GUCY1A2: variants seen among roughly 807,000 people sequenced by gnomAD.
GUCY1A2 encodes the protein guanylate cyclase soluble subunit alpha-2.
A neutral mutation model predicts 63.5 loss-of-function variants in GUCY1A2; 27 were observed. The observed-to-expected ratio is 0.43, with a 90% confidence interval of 0.31 to 0.59. The LOEUF (loss-of-function observed/expected upper bound fraction) is 0.59, where lower values mean the gene tolerates loss of function less well. Among genes scored for constraint, GUCY1A2 ranks in the 20% least tolerant of loss-of-function variants. The probability of loss-of-function intolerance (pLI) is 0.11; values close to 1 mark genes in which losing one functional copy is unlikely to be tolerated. For missense variants in GUCY1A2, 768 were observed against 913.3 expected, an observed-to-expected ratio of 0.84 and a Z score of 2.05; for synonymous variants, 364 against 343.5, an observed-to-expected ratio of 1.06 and a Z score of -0.66.
chr11:106,908,869 A>G (rs1860251403), intron 4 of GUCY1A2, among the ~76,000 whole-genome samples: 1 of 152,068 alleles, frequency 6.6e-6, no homozygotes, highest in Non-Finnish European at 1.5e-5. Context: ...CTACCCTACA[A>G]AATAGGTCAA....
intron 3 of GUCY1A2, among the ~76,000 whole-genome samples, chr11:106,967,724 G>A (rs978814596): frequency 4.1e-5 from 5 of 122,560 alleles, no homozygotes; most frequent in East Asian, 2.6e-4. Context: ...GGAATGAAGG[G>A]AGGAAAGGAG....
intron 5 of GUCY1A2, among the ~76,000 whole-genome samples, chr11:106,806,427 C>CA (rs1858687682): frequency 6.6e-6 from 1 of 152,152 alleles, no homozygotes; most frequent in Non-Finnish European, 1.5e-5. Context: ...CAAAGTCTTT[C>CA]TCCCTGCTTA....
intron 4 of GUCY1A2, among the ~76,000 whole-genome samples, chr11:106,817,716 T>A (rs529023187): frequency 2.0e-5 from 3 of 152,084 alleles, no homozygotes; most frequent in African/African-American, 4.8e-5. Context: ...AAAGAAGACA[T>A]ACAAATAGCC....
In GUCY1A2 at chr11:106,927,344, G is replaced by A. The variant is rs1236723053; in HGVS notation, c.1206+12116C>T. 2.0e-5 allele frequency among the ~76,000 whole-genome samples: 3 copies of A among 151,548 alleles called. No individual in the cohort carries two copies. The East Asian group carries it at 6.1e-4, about 31-fold the overall frequency. Reference sequence around the variant, plus strand: ...GCAGAGATCGCGCTACTGCACTCCAGCCTGGGCAACAGAGCGAGACTCCGT... The same window carrying A: ...GCAGAGATCGCGCTACTGCACTCCAACCTGGGCAACAGAGCGAGACTCCGT... On this transcript the variant is annotated intron_variant, in intron 4 of 7. Transcript: ENST00000526355.
At chr11:106,980,729 G>A (rs969532488) in intron 2 of GUCY1A2, among the ~76,000 whole-genome samples, 2 of 152,176 alleles carry the variant, frequency 1.3e-5, no homozygotes, top group African/African-American at 4.8e-5. Flanking sequence ...GATGTGAGTG[G>A]AGGGAAAAAT....
intron 5 of GUCY1A2, among the ~76,000 whole-genome samples, chr11:106,777,528 C>A (rs1172296073): frequency 6.6e-6 from 1 of 151,162 alleles, no homozygotes; most frequent in Admixed American, 6.6e-5. Flanking sequence ...ATGTCTTTTG[C>A]AGGGACATGG....
At chr11:106,835,437 G>A (rs1859103732) in intron 4 of GUCY1A2, among the ~76,000 whole-genome samples, 1 of 151,742 alleles carries the variant, frequency 6.6e-6, no homozygotes, top group South Asian at 2.1e-4. Flanking sequence ...TATAGAATGT[G>A]AAAATCTAAA....
chr11:106,752,762 A>G (rs1447828824), intron 6 of GUCY1A2, among the ~76,000 whole-genome samples: 2 of 152,092 alleles, frequency 1.3e-5, no homozygotes, highest in Non-Finnish European at 2.9e-5. Context: ...TCTATTACTG[A>G]TGGACATTTG....
chr11:106,791,916 T>C (rs1479024239), intron 5 of GUCY1A2, among the ~76,000 whole-genome samples: 1 of 152,054 alleles, frequency 6.6e-6, no homozygotes, highest in Non-Finnish European at 1.5e-5. Context: ...TTCCAAAAAA[T>C]TGAGGAGGGA....
chr11:106,954,229 T>C (rs1366472352), intron 3 of GUCY1A2, among the ~76,000 whole-genome samples: 2 of 152,204 alleles, frequency 1.3e-5, no homozygotes, highest in Non-Finnish European at 2.9e-5. Context: ...GTCATTGGTT[T>C]CAAAAAACTT....
intron 4 of GUCY1A2, among the ~76,000 whole-genome samples, chr11:106,918,401 A>G (rs1860396894): frequency 6.9e-6 from 1 of 145,442 alleles, no homozygotes; most frequent in African/African-American, 2.4e-5. Flanking sequence ...CCAACACACC[A>G]TTTTTTAAAA....
At chr11:106,968,027 T>C (rs1861147984) in intron 3 of GUCY1A2, among the ~76,000 whole-genome samples, 2 of 152,184 alleles carry the variant, frequency 1.3e-5, no homozygotes, top group African/African-American at 4.8e-5. Context: ...CACAGGATTT[T>C]AAAGTACCAA....
chr11:106,703,273 A>G (rs531483157), intron 7 of GUCY1A2, among the ~76,000 whole-genome samples: 1 of 152,138 alleles, frequency 6.6e-6, no homozygotes, highest in Non-Finnish European at 1.5e-5. Flanking sequence ...CCCTTTATAC[A>G]TACATCTATC....
At position 106,683,635 on chromosome 11, in the gene GUCY1A2, C is replaced by G. The variant is rs960423931; in HGVS notation, c.*3914G>C. 3 of 226,610 alleles carry G rather than the reference C, an allele frequency of 1.3e-5. No homozygotes were observed. The highest frequency in any genetic ancestry group is 2.6e-5 in the Non-Finnish European group (3 of 113,904). The allele number at this position is 226,610 out of a possible 1,614,324, so 14.0% of individuals were successfully genotyped here. ...GAGAATGCTGTTTGCTGTGGCCAGG[C>G]GTGAGGGGGTGAGATGGTTTCTAGT... On this transcript the variant is annotated 3_prime_UTR_variant, in exon 8 of 8. Coordinates refer to ENST00000526355, the MANE Select transcript of GUCY1A2 (RefSeq NM_000855.3).
At chr11:106,847,300 A>G (rs1041151261) in intron 4 of GUCY1A2, among the ~76,000 whole-genome samples, 20 of 147,386 alleles carry the variant, frequency 1.4e-4, no homozygotes, top group African/African-American at 7.4e-5. Context: ...GCTTATATAT[A>G]TACTCACATA....
Position 106,683,374 on chromosome 11 carries a change from T to G in GUCY1A2, c.*4175A>C. On this transcript the variant is annotated 3_prime_UTR_variant, in exon 8 of 8. Transcript: ENST00000526355. ...AAAGCCTATTCAGAGTCATTTATAA[T>G]TAATTTCAAAGGAACATTCAGTGAA... 1 of 224,032 alleles carries G rather than the reference T, an allele frequency of 4.5e-6. No individual in the cohort carries two copies. The allele number at this position is 224,032 out of a possible 1,614,324, so 13.9% of individuals were successfully genotyped here.
intron 6 of GUCY1A2, among the ~76,000 whole-genome samples, chr11:106,773,752 A>C (rs1864300246): frequency 6.6e-6 from 1 of 152,202 alleles, no homozygotes; most frequent in African/African-American, 2.4e-5. Flanking sequence ...TATTAATTTG[A>C]TTACTGACAA....
chr11:106,890,198 T>C (rs1051724124), intron 4 of GUCY1A2, among the ~76,000 whole-genome samples: 2 of 152,184 alleles, frequency 1.3e-5, no homozygotes, highest in African/African-American at 4.8e-5. Flanking sequence ...TGTGAATTTA[T>C]TATCTATATG....
chr11:106,950,715 C>T (rs1053633787), intron 3 of GUCY1A2, among the ~76,000 whole-genome samples: 1 of 152,176 alleles, frequency 6.6e-6, no homozygotes, highest in Non-Finnish European at 1.5e-5. Context: ...GACCGATCCT[C>T]GGAGGGCTTA....
Sources: allele counts gnomAD v4.1 joint callset (sites outside exome capture counted in the v4.1 genomes callset), GRCh38; gene constraint gnomAD v4.1.1; transcripts MANE v1.5; gene names NCBI Gene and HGNC (gene_info 2026-07-23, HGNC 2026-07-21).